The following DOCK2 variants were observed in gnomAD, a reference collection of about 807,000 sequenced individuals.
The protein encoded by DOCK2 is dedicator of cytokinesis protein 2.
DOCK2 carries 87 observed loss-of-function variants against 248.9 expected under a neutral mutation model. The observed-to-expected ratio is 0.35, with a 90% CI of 0.29 to 0.42. The LOEUF is 0.42. Ranked by LOEUF, DOCK2 falls within the 10% of genes least tolerant of loss-of-function variation. The probability of loss-of-function intolerance (pLI) is 1.00; values close to 1 mark genes in which losing one functional copy is unlikely to be tolerated. For missense variants in DOCK2, 1,747 were observed against 2,300.2 expected, an observed-to-expected ratio of 0.76 and a Z score of 4.92; for synonymous variants, 805 against 821.6, an observed-to-expected ratio of 0.98 and a Z score of 0.35.
At chr5:169,908,248 C>T (rs904347051) in intron 27 of DOCK2, among the ~76,000 whole-genome samples, 2 of 152,004 alleles carry the variant, frequency 1.3e-5, no homozygotes, top group African/African-American at 4.8e-5. Context: ...ATAGCTGGTC[C>T]CTTGGTGGCA....
intron 27 of DOCK2, among the ~76,000 whole-genome samples, chr5:169,937,040 G>A (rs535919894): frequency 7.2e-5 from 11 of 152,338 alleles, no homozygotes; most frequent in African/African-American, 2.4e-4. Context: ...TTGGTGAGGA[G>A]GGAGGGGCTG....
intron 26 of DOCK2, among the ~76,000 whole-genome samples, chr5:169,825,608 TG>T (rs1472217607): frequency 1.2e-5 from 1 of 84,336 alleles, no homozygotes; most frequent in Admixed American, 1.8e-4. Flanking sequence ...CATCACACAC[TG>T]GGGCCTGTTG....
chr5:169,638,608 T>A (rs1212732737), intron 1 of DOCK2, among the ~76,000 whole-genome samples: 1 of 152,136 alleles, frequency 6.6e-6, no homozygotes, highest in Non-Finnish European at 1.5e-5. Context: ...GCTGGCTCAA[T>A]AAGAGTTAGT....
intron 27 of DOCK2, among the ~76,000 whole-genome samples, chr5:169,965,719 A>G (rs1777274038): frequency 6.6e-6 from 1 of 152,186 alleles, no homozygotes; most frequent in Non-Finnish European, 1.5e-5. Context: ...ACATCTCTCT[A>G]ATTTCAGGAA....
At chr5:169,673,567 C>T (rs1759161486) in intron 5 of DOCK2, among the ~76,000 whole-genome samples, 1 of 152,114 alleles carries the variant, frequency 6.6e-6, no homozygotes, top group Non-Finnish European at 1.5e-5. Flanking sequence ...GTCACCCCCG[C>T]TGGAGTGCAG....
chr5:169,918,282 C>T (rs947332280), intron 27 of DOCK2, among the ~76,000 whole-genome samples: 1 of 152,200 alleles, frequency 6.6e-6, no homozygotes, highest in Non-Finnish European at 1.5e-5. Flanking sequence ...TACTATCTCT[C>T]AAAATGTTGT....
At chr5:169,803,233 C>T in intron 26 of DOCK2, 27 bp downstream of exon 26, 1 of 1,606,490 alleles carries the variant, frequency 6.2e-7, no homozygotes, top group Non-Finnish European at 8.5e-7. Context: ...ATGTAGATAT[C>T]CTGGACTCAG....
intron 25 of DOCK2, among the ~76,000 whole-genome samples, chr5:169,772,319 A>G (rs1013193): frequency 0.14 from 22,032 of 152,216 alleles, 2,157 homozygotes; most frequent in Admixed American, 0.31. Context: ...CACTTTCTCA[A>G]TTATGAAAGA....
At chr5:169,690,038 G>T (rs973204774) in intron 9 of DOCK2, among the ~76,000 whole-genome samples, 1 of 151,668 alleles carries the variant, frequency 6.6e-6, no homozygotes, top group African/African-American at 2.4e-5. Flanking sequence ...TTCCATAAGG[G>T]TGTGAAGAGT....
At chr5:170,075,210 A>C (rs114044912) in intron 46 of DOCK2, among the ~76,000 whole-genome samples, 1 of 152,064 alleles carries the variant, frequency 6.6e-6, no homozygotes, top group Non-Finnish European at 1.5e-5. Context: ...ACACAACTAA[A>C]GTTCTCAGTT....
At chr5:169,986,958 G>A (rs1778083536) in intron 29 of DOCK2, among the ~76,000 whole-genome samples, 1 of 152,186 alleles carries the variant, frequency 6.6e-6, no homozygotes, top group African/African-American at 2.4e-5. Flanking sequence ...TCTCTGAAGT[G>A]GAAGGGAAAG....
intron 22 of DOCK2, among the ~76,000 whole-genome samples, chr5:169,738,370 A>G (rs1203670449): frequency 6.6e-6 from 1 of 152,166 alleles, no homozygotes; most frequent in East Asian, 1.9e-4. Flanking sequence ...AAGGAAATGG[A>G]GGCTTGGTCC....
At chr5:169,800,274 A>G (rs907215386) in intron 25 of DOCK2, among the ~76,000 whole-genome samples, 28 of 152,336 alleles carry the variant, frequency 1.8e-4, no homozygotes, top group African/African-American at 6.3e-4. Flanking sequence ...TTTAAGTGTT[A>G]TCTTTCATTA....
In DOCK2 at chr5:169,990,038, T is replaced by C. The variant is rs189155969; in HGVS notation, c.2993+4116T>C. ...TTGTAGTGATTATTCGTTTTTGGGG[T>C]CCCCACCTCCTCCAATCCATGTAAT... is the stretch of plus-strand genomic sequence containing the variant. On this transcript the variant is annotated intron_variant, in intron 29 of 51. Transcript: ENST00000520908. 3.2e-4 allele frequency among the ~76,000 whole-genome samples: 48 copies of C among 151,990 alleles called. No individual in the cohort carries two copies. The East Asian group carries it at 5.4e-3, about 17-fold the overall frequency.
intron 40 of DOCK2, among the ~76,000 whole-genome samples, chr5:170,048,192 G>A (rs1756782715): frequency 6.6e-6 from 1 of 152,158 alleles, no homozygotes. Flanking sequence ...AGGAGTTCGA[G>A]ACCAGCCTGG....
chr5:169,924,687 G>A (rs757940048), intron 27 of DOCK2, among the ~76,000 whole-genome samples: 8 of 152,164 alleles, frequency 5.3e-5, no homozygotes, highest in Non-Finnish European at 1.2e-4. Flanking sequence ...TGCCATTAAA[G>A]CAGATCTGAG....
chr5:169,917,165 C>A (rs1160888765), intron 27 of DOCK2, among the ~76,000 whole-genome samples: 1 of 152,188 alleles, frequency 6.6e-6, no homozygotes, highest in Non-Finnish European at 1.5e-5. Flanking sequence ...AAATTCACAG[C>A]AACCAATCTG....
intron 1 of DOCK2, among the ~76,000 whole-genome samples, chr5:169,646,963 C>G (rs1349806335): frequency 6.6e-6 from 1 of 152,100 alleles, no homozygotes; most frequent in African/African-American, 2.4e-5. Flanking sequence ...GTGTTTGGGC[C>G]CAGAGATGAA....
At chr5:169,978,754 T>G (rs1777828613) in intron 27 of DOCK2, among the ~76,000 whole-genome samples, 1 of 152,110 alleles carries the variant, frequency 6.6e-6, no homozygotes, top group South Asian at 2.1e-4. Flanking sequence ...TGAAGAGGGT[T>G]CTGTACAGCA....
Sources: gnomAD v4.1 joint callset for allele counts (sites outside exome capture counted in the v4.1 genomes callset) on GRCh38, gnomAD v4.1.1 for gene constraint, MANE v1.5 for transcripts, NCBI Gene and HGNC (gene_info 2026-07-23, HGNC 2026-07-21) for gene names.